Variants in PCDHGB5 observed in about 807,000 individuals in gnomAD.
The protein encoded by PCDHGB5 is protocadherin gamma-B5.
A neutral mutation model predicts 62.9 loss-of-function variants in PCDHGB5; 48 were observed. The ratio of observed to expected loss-of-function variants is 0.76; its 90% CI spans 0.61 to 0.97. The LOEUF (loss-of-function observed/expected upper bound fraction) is 0.97, where lower values mean the gene tolerates loss of function less well. Ranked by LOEUF, PCDHGB5 falls within the 50% of genes least tolerant of loss-of-function variation. The pLI, the probability that PCDHGB5 is intolerant of heterozygous loss-of-function variation, is 0.00. For synonymous variants in PCDHGB5, 474 were observed against 511.2 expected, an observed-to-expected ratio of 0.93 and a Z score of 0.98; for missense variants, 1,118 against 1,198.6, an observed-to-expected ratio of 0.93 and a Z score of 0.99.
chr5:141,440,563 T>C (rs1048420758), intron 1 of PCDHGB5: 3 of 152,250 alleles, frequency 2.0e-5, no homozygotes, highest in Admixed American at 6.5e-5. Flanking sequence ...TTAAGTTACG[T>C]ATCTCTGAGT....
chr5:141,485,899 C>A lies in PCDHGB5; in HGVS notation c.2398-8908C>A, dbSNP rs775312856. 12 of 1,614,166 alleles carry A rather than the reference C, an allele frequency of 7.4e-6. No individual in the cohort carries two copies. The highest frequency in any genetic ancestry group is 8.5e-6 in the Non-Finnish European group (10 of 1,180,032). On this transcript the variant is annotated intron_variant, in intron 1 of 3. Coordinates refer to ENST00000617380, the MANE Select transcript of PCDHGB5 (RefSeq NM_018925.3). The surrounding 1 kb of genome is among the most constrained non-coding windows in gnomAD (Gnocchi z 5.7). ...ACGTAAACGACAACGCCCCAGCCTT[C>A]CAGCAATCCAGCTACAGGATTAGTG...
chr5:141,399,588 C>A lies in PCDHGB5; in HGVS notation c.1461C>A (p.Ile487=), dbSNP rs2093842272. ...TGAACGGCCAAGTCTCCTACTCTAT[C>A]ATGGCCAGCGACCTAGAGCCTCTGG... is the stretch of plus-strand genomic sequence containing the variant. The part of the protein sequence containing the change: ...LGLNGQVSYS[I]MASDLEPLAL... The change falls in exon 1 of 4, where the codon ATC becomes ATA. Residue 487 remains isoleucine, a synonymous_variant. Coordinates refer to ENST00000617380, the MANE Select transcript of PCDHGB5 (RefSeq NM_018925.3). The A allele has an allele frequency of 6.2e-7, 1 of 1,613,894 alleles. No individual in the cohort carries two copies. The highest frequency in any genetic ancestry group is 1.1e-5 in the South Asian group (1 of 91,080).
At chr5:141,415,046 G>C in intron 1 of PCDHGB5, 1 of 1,613,468 alleles carries the variant, frequency 6.2e-7, no homozygotes, top group Non-Finnish European at 8.5e-7. Context: ...TTCGCGGTGG[G>C]GGAGCACACG....
chr5:141,425,348 A>C (rs2096869744), intron 1 of PCDHGB5, among the ~76,000 whole-genome samples: 1 of 152,242 alleles, frequency 6.6e-6, no homozygotes, highest in Non-Finnish European at 1.5e-5. Context: ...GTTGGCTTTG[A>C]AATGTGATAT....
intron 1 of PCDHGB5, chr5:141,422,893 C>A (rs1405800318): frequency 4.3e-6 from 7 of 1,614,246 alleles, no homozygotes; most frequent in Non-Finnish European, 5.9e-6. Context: ...CGTGCTGGAC[C>A]AGAACGACAA....
rs1282646842 is a variant in PCDHGB5 at position 141,400,105 on chromosome 5, T to C, written c.1978T>C (p.Phe660Leu). 6.2e-7 allele frequency: 1 copy of C among 1,613,938 alleles called. No homozygotes were observed. The highest frequency in any genetic ancestry group is 8.5e-7 in the Non-Finnish European group (1 of 1,179,906). ...LSATATLHLVFADSLQEVLPD... is the reference protein window; with the variant it reads ...LSATATLHLVLADSLQEVLPD... Reference sequence around the variant, plus strand: ...CGCCACCGCCACGCTGCACTTGGTCTTTGCTGACAGCTTGCAGGAGGTGCT... The same window carrying C: ...CGCCACCGCCACGCTGCACTTGGTCCTTGCTGACAGCTTGCAGGAGGTGCT... Residue 660 changes from phenylalanine to leucine, a missense_variant, in exon 1 of 4, where the codon TTT (phenylalanine) becomes CTT (leucine). Coordinates refer to ENST00000617380, the MANE Select transcript of PCDHGB5 (RefSeq NM_018925.3).
At position 141,487,991 on chromosome 5, in the gene PCDHGB5, G is replaced by C. The variant is rs932744807; in HGVS notation, c.2398-6816G>C. ...GCTGTTTTCTCTACTCTTCCTGAAA[G>C]AGGGGATCAGATTCTGAAGTACCTT... On this transcript the variant is annotated intron_variant, in intron 1 of 3. Coordinates refer to ENST00000617380, the MANE Select transcript of PCDHGB5 (RefSeq NM_018925.3). The surrounding 1 kb of genome is among the most constrained non-coding windows in gnomAD (Gnocchi z 5.0). 2.6e-5 allele frequency among the ~76,000 whole-genome samples: 4 copies of C among 152,194 alleles called. No homozygotes were observed. The highest frequency in any genetic ancestry group is 4.4e-5 in the Non-Finnish European group (3 of 68,030).
In PCDHGB5 at chr5:141,491,409, G is replaced by T; in HGVS notation, c.2398-3398G>T. The T allele has an allele frequency of 6.8e-6, 11 of 1,614,118 alleles. No individual in the cohort carries two copies. Among genetic ancestry groups the T allele is most frequent in the Non-Finnish European group, 9.3e-6 (11 of 1,180,014 alleles). On this transcript the variant is annotated intron_variant, in intron 1 of 3. Coordinates refer to ENST00000617380, the MANE Select transcript of PCDHGB5 (RefSeq NM_018925.3). The surrounding 1 kb of genome is among the most constrained non-coding windows in gnomAD (Gnocchi z 6.9). ...AGTGCCTTCAGGGAAACGCAGACGG[G>T]GACGGGGGTGGAGGGCAGTGCTGCA...
chr5:141,415,890 C>A lies in PCDHGB5; in HGVS notation c.2397+15366C>A, dbSNP rs2095969500. The A allele has an allele frequency of 9.7e-6, 9 of 931,410 alleles. No homozygotes were observed. In the South Asian group the frequency reaches 2.3e-4, roughly 24 times the overall value. 57.7% of individuals were successfully genotyped at this position (931,410 alleles called of 1,614,324 possible). On this transcript the variant is annotated intron_variant, in intron 1 of 3. Coordinates refer to ENST00000617380, the MANE Select transcript of PCDHGB5 (RefSeq NM_018925.3). Reference sequence around the variant, plus strand: ...GTTGTTGAGTACAATATTGACAATTCCTAAGACAGACTTCCATACAGAAGT... The same window carrying A: ...GTTGTTGAGTACAATATTGACAATTACTAAGACAGACTTCCATACAGAAGT...
chr5:141,398,772 G>A lies in PCDHGB5; in HGVS notation c.645G>A (p.Leu215=). The A allele has an allele frequency of 6.2e-7, 1 of 1,613,910 alleles. No homozygotes were observed. The highest frequency in any genetic ancestry group is 1.1e-5 in the South Asian group (1 of 91,082). ...ACCATCGTTTAGTCCTGACTGCCTTGGACGGTGGACATCCACCCCTAAGCG... is the reference window on the plus strand; with the variant it reads ...ACCATCGTTTAGTCCTGACTGCCTTAGACGGTGGACATCCACCCCTAAGCG... ...QSYHRLVLTA[L]DGGHPPLSGT... Residue 215 remains leucine, a synonymous_variant, in exon 1 of 4, where the codon TTG becomes TTA. Coordinates refer to ENST00000617380, the MANE Select transcript of PCDHGB5 (RefSeq NM_018925.3).
At chr5:141,418,021 A>G (rs748774040) in intron 1 of PCDHGB5, 11 of 1,613,978 alleles carry the variant, frequency 6.8e-6, no homozygotes, top group African/African-American at 1.3e-5. Context: ...CTAAGGATCT[A>G]GGGCTTAGTG....
At chr5:141,423,617 A>T (rs1426014397) in intron 1 of PCDHGB5, 3 of 1,608,486 alleles carry the variant, frequency 1.9e-6, no homozygotes, top group Admixed American at 1.7e-5. Flanking sequence ...ATAGCTGAAG[A>T]CTCAGCTATC....
Position 141,505,556 on chromosome 5 carries a change from C to T in PCDHGB5, c.2545+75C>T, listed in dbSNP as rs2233611. ...GGGTGCATCTCACAGCCACCATGCC[C>T]ACGGACTGGATGTCAAACCTGTGTA... On this transcript the variant is annotated intron_variant, in intron 3 of 3. Transcript: ENST00000617380. 1,282 of 1,606,040 alleles carry T rather than the reference C, an allele frequency of 8.0e-4. 6 individuals are homozygous for T. In the African/African-American group the frequency reaches 0.013, roughly 16 times the overall value.
Position 141,422,887 on chromosome 5 carries a change from C to G in PCDHGB5, c.2397+22363C>G, listed in dbSNP as rs2154549815. ...CAACGTGTCGCTGAGCCTGTTCGTG[C>G]TGGACCAGAACGACAATGCGCCCGA... On this transcript the variant is annotated intron_variant, in intron 1 of 3. Coordinates refer to ENST00000617380, the MANE Select transcript of PCDHGB5 (RefSeq NM_018925.3). The G allele has an allele frequency of 2.5e-6, 4 of 1,614,264 alleles. No homozygotes were observed. In the Middle Eastern group the frequency reaches 4.9e-4, roughly 200 times the overall value.
At chr5:141,448,069 T>G (rs1184496754) in intron 1 of PCDHGB5, among the ~76,000 whole-genome samples, 1 of 151,202 alleles carries the variant, frequency 6.6e-6, no homozygotes, top group African/African-American at 2.4e-5. Context: ...CTGGGCAACA[T>G]GAACGAAATG....
chr5:141,416,378 A>C (rs2096019434), intron 1 of PCDHGB5: 1 of 152,230 alleles, frequency 6.6e-6, no homozygotes, highest in South Asian at 2.1e-4. Flanking sequence ...GAAATTAAGA[A>C]TATTTGGGAT....
At chr5:141,407,505 T>TTTTTTTTTTTTTTTTTTTTTTGAG (rs1460306566) in intron 1 of PCDHGB5, among the ~76,000 whole-genome samples, 1 of 152,148 alleles carries the variant, frequency 6.6e-6, no homozygotes, top group African/African-American at 2.4e-5. Context: ...CTGTTTTTCT[T>TTTTTTTTTTTTTTTTTTTTTTGAG]AGGCTATGTA....
chr5:141,494,914 A>G (rs906245656), intron 2 of PCDHGB5, 49 bp downstream of exon 2: 5 of 1,613,708 alleles, frequency 3.1e-6, no homozygotes, highest in Admixed American at 1.7e-5. Context: ...GCATTTTCTC[A>G]GGGATGACGT....
chr5:141,497,544 T>C (rs1410779650), intron 2 of PCDHGB5, among the ~76,000 whole-genome samples: 4 of 150,796 alleles, frequency 2.7e-5, no homozygotes, highest in African/African-American at 9.8e-5. Flanking sequence ...ACAAACCTTT[T>C]TTTTTTTTTT....
Sources: allele counts gnomAD v4.1 joint callset (sites outside exome capture counted in the v4.1 genomes callset), GRCh38; gene constraint gnomAD v4.1.1; non-coding constraint Gnocchi (gnomAD v3.1); transcripts MANE v1.5; gene names NCBI Gene and HGNC (gene_info 2026-07-23, HGNC 2026-07-21).